Variants in SLC30A8 observed in about 807,000 individuals in gnomAD.
The protein encoded by SLC30A8 is solute carrier family 30 member 8, also known as proton-coupled zinc antiporter SLC30A8.
A neutral mutation model predicts 36.9 loss-of-function variants in SLC30A8; 27 were observed. The ratio of observed to expected loss-of-function variants is 0.73; its 90% CI spans 0.54 to 1.01. The LOEUF is 1.01. Among genes scored for constraint, SLC30A8 ranks in the 50% least tolerant of loss-of-function variants. The pLI is 0.00. For missense variants in SLC30A8, 439 were observed against 452.0 expected, an observed-to-expected ratio of 0.97 and a Z score of 0.26; for synonymous variants, 164 against 172.4, an observed-to-expected ratio of 0.95 and a Z score of 0.38.
intron 1 of SLC30A8, among the ~76,000 whole-genome samples, chr8:116,961,049 G>A (rs1272392944): frequency 2.0e-5 from 3 of 152,164 alleles, no homozygotes; most frequent in Non-Finnish European, 4.4e-5. Context: ...AAGAAGGGAA[G>A]AAGGAAAATG....
chr8:116,974,974 G>T (rs909762349), intron 1 of SLC30A8, among the ~76,000 whole-genome samples: 19 of 145,344 alleles, frequency 1.3e-4, no homozygotes, highest in Non-Finnish European at 2.1e-4. Context: ...CTCATAGGTG[G>T]GAATTGAACA....
At chr8:116,959,137 C>G (rs1814326546) in intron 1 of SLC30A8, among the ~76,000 whole-genome samples, 1 of 152,100 alleles carries the variant, frequency 6.6e-6, no homozygotes, top group African/African-American at 2.4e-5. Flanking sequence ...GCATGAGCAA[C>G]CGTGCCCGGC....
chr8:117,150,590 C>A (rs1822133699), intron 2 of SLC30A8, among the ~76,000 whole-genome samples: 1 of 152,146 alleles, frequency 6.6e-6, no homozygotes, highest in African/African-American at 2.4e-5. Context: ...CCTTCGCTAA[C>A]ACTATCGAGA....
intron 2 of SLC30A8, among the ~76,000 whole-genome samples, chr8:117,046,863 T>C (rs900204678): frequency 6.6e-6 from 1 of 152,244 alleles, no homozygotes; most frequent in Non-Finnish European, 1.5e-5. Flanking sequence ...AGCCATTAGC[T>C]TCCTTTTACT....
rs139765619 is a variant in SLC30A8, at chr8:117,102,369, A to G, written c.-225-32911A>G. Among the ~76,000 whole-genome samples, 5 of 152,308 alleles carry G rather than the reference A, an allele frequency of 3.3e-5. No homozygotes were observed. The East Asian group carries it at 7.7e-4, about 23-fold the overall frequency. On this transcript the variant is annotated intron_variant, in intron 2 of 10. Coordinates refer to the SLC30A8 transcript ENST00000427715. ...TTATTATTCCATAAATTTATATTAC[A>G]TAATTCTTTTATTAGTTACCATTCA...
intron 2 of SLC30A8, among the ~76,000 whole-genome samples, chr8:117,086,496 T>C (rs988720370): frequency 3.9e-5 from 6 of 152,214 alleles, no homozygotes; most frequent in Non-Finnish European, 5.9e-5. Context: ...TTTAACTGGC[T>C]TCCAGCAACA....
intron 3 of SLC30A8, among the ~76,000 whole-genome samples, chr8:117,155,905 T>C (rs1657397682): frequency 6.6e-6 from 1 of 152,190 alleles, no homozygotes; most frequent in Admixed American, 6.5e-5. Context: ...TGCATGTCTA[T>C]GTCCAGGTTT....
chr8:117,135,453 C>A, intron 1 of SLC30A8, 55 bp downstream of exon 1: 4 of 1,392,290 alleles, frequency 2.9e-6, no homozygotes, highest in Non-Finnish European at 4.0e-6. Context: ...TCATCCAATT[C>A]CTATACCTTG....
intron 2 of SLC30A8, among the ~76,000 whole-genome samples, chr8:117,108,305 C>A (rs1820082071): frequency 6.6e-6 from 1 of 152,124 alleles, no homozygotes. Flanking sequence ...GATTAAAAAT[C>A]AAATGCCCCT....
At chr8:117,146,494 C>A (rs1821898917) in intron 1 of SLC30A8, among the ~76,000 whole-genome samples, 1 of 152,130 alleles carries the variant, frequency 6.6e-6, no homozygotes, top group East Asian at 1.9e-4. Context: ...ACGGACTCAG[C>A]AGGAAACAGT....
chr8:117,138,060 CAAAAAAAAA>C (rs60065374), intron 1 of SLC30A8, among the ~76,000 whole-genome samples: 3 of 49,984 alleles, frequency 6.0e-5, no homozygotes, highest in African/African-American at 1.4e-4. Flanking sequence ...TTCATTGTAG[CAAAAAAAAA>C]AAAAAAAAAA....
At chr8:117,076,844 A>G (rs1411543018) in intron 2 of SLC30A8, among the ~76,000 whole-genome samples, 7 of 151,914 alleles carry the variant, frequency 4.6e-5, no homozygotes, top group African/African-American at 1.7e-4. Context: ...TGACTGATTG[A>G]CTGATGAACT....
Position 117,172,824 on chromosome 8 carries a change from C to G in SLC30A8, c.*143C>G, listed in dbSNP as rs2466294. The G allele has an allele frequency of 0.51, 493,203 of 960,272 alleles. 132,015 individuals carry two copies. Among genetic ancestry groups the G allele is most frequent in the East Asian group, 0.83 (34,097 of 41,018 alleles). 59.5% of individuals were successfully genotyped at this position (960,272 alleles called of 1,614,324 possible). A position where few individuals can be genotyped will look rare whatever the true frequency, so the allele number is the denominator to read the frequency against. On this transcript the variant is annotated 3_prime_UTR_variant, in exon 8 of 8. Transcript: ENST00000456015. ...GCACATTTTATCTATTTATTTAGTTCCATTCACCATGAAGGAAGAGGCACT... is the reference window on the plus strand; with the variant it reads ...GCACATTTTATCTATTTATTTAGTTGCATTCACCATGAAGGAAGAGGCACT...
chr8:117,090,246 G>C (rs1222777272), intron 2 of SLC30A8, among the ~76,000 whole-genome samples: 1 of 152,210 alleles, frequency 6.6e-6, no homozygotes, highest in African/African-American at 2.4e-5. Context: ...ACAGGCATGA[G>C]CCACTGCACC....
intron 2 of SLC30A8, among the ~76,000 whole-genome samples, chr8:117,042,779 G>A (rs1356835465): frequency 2.6e-5 from 4 of 151,968 alleles, no homozygotes; most frequent in Admixed American, 6.6e-5. Context: ...GGGTTCAAGC[G>A]ATTCTCCTGC....
chr8:117,079,267 C>T (rs1230309610), intron 2 of SLC30A8, among the ~76,000 whole-genome samples: 1 of 152,110 alleles, frequency 6.6e-6, no homozygotes. Context: ...GTCTCGGCCC[C>T]CTAAAGTGCT....
intron 1 of SLC30A8, among the ~76,000 whole-genome samples, chr8:117,005,251 C>T (rs1450678320): frequency 6.6e-6 from 1 of 151,940 alleles, no homozygotes; most frequent in Non-Finnish European, 1.5e-5. Context: ...TTATTCTGGT[C>T]TGTGTAGATT....
intron 1 of SLC30A8, among the ~76,000 whole-genome samples, chr8:117,025,815 A>G (rs950862475): frequency 2.6e-5 from 4 of 152,180 alleles, no homozygotes; most frequent in African/African-American, 4.8e-5. Context: ...TTTCAGGGAA[A>G]GATGCTACTA....
intron 1 of SLC30A8, among the ~76,000 whole-genome samples, chr8:117,143,706 G>C (rs1333634334): frequency 5.7e-5 from 5 of 88,376 alleles, no homozygotes; most frequent in Non-Finnish European, 1.1e-4. Flanking sequence ...ACTCACACAT[G>C]AACACATCGT....
Sources: allele counts gnomAD v4.1 joint callset (sites outside exome capture counted in the v4.1 genomes callset), GRCh38; gene constraint gnomAD v4.1.1; transcripts MANE v1.5; gene names NCBI Gene and HGNC (gene_info 2026-07-23, HGNC 2026-07-21).